Variants in MAGEB3 observed in about 807,000 individuals in gnomAD.
The protein encoded by MAGEB3 is melanoma-associated antigen B3.
For missense variants in MAGEB3, 191 were observed against 262.4 expected (o/e 0.73, Z 1.88); for synonymous variants, 91 against 93.0 (o/e 0.98, Z 0.12).
In MAGEB3 at chrX:30,236,498, G is replaced by C. The variant is rs183270866; in HGVS notation, c.574G>C (p.Val192Leu). 24 of 1,210,482 alleles carry C rather than the reference G, an allele frequency of 2.0e-5. No individual in the cohort carries two copies. In the East Asian group the frequency reaches 6.8e-4, roughly 34 times the overall value. The change falls in exon 5 of 5, where the codon GTG becomes CTG. Residue 192 changes from valine to leucine, a missense_variant. Val to Leu is a conservative substitution (Grantham distance 32). Coordinates refer to ENST00000361644, the MANE Select transcript of MAGEB3 (RefSeq NM_002365.5). ...AATGGATCTCCCCAACAATGGGACA[G>C]TGACTCGTGGGAGGGGATTTCCCAA... ...SKMDLPNNGT[V>L]TRGRGFPKTG...
chrX:30,236,338 A>G lies in MAGEB3; in HGVS notation c.414A>G (p.Leu138=). ...MKKPIMKADM[L]KIVQKSHKNC... is the part of the protein sequence containing the mutation. ...AGCCCATTATGAAAGCAGATATGCT[A>G]AAAATTGTCCAAAAAAGCCATAAGA... Residue 138 remains leucine (L), a synonymous_variant, in exon 5 of 5, where the codon CTA becomes CTG. Coordinates refer to ENST00000361644, the MANE Select transcript of MAGEB3 (RefSeq NM_002365.5). The G allele has an allele frequency of 1.7e-6, 2 of 1,209,802 alleles. No individual in the cohort carries two copies. The highest frequency in any genetic ancestry group is 3.6e-5 in the South Asian group (2 of 56,097).
At position 30,236,504 on chromosome X, in the gene MAGEB3, C is replaced by T. The variant is rs746598074; in HGVS notation, c.580C>T (p.Arg194Cys). ...MDLPNNGTVT[R>C]GRGFPKTGLL... ...TCTCCCCAACAATGGGACAGTGACT[C>T]GTGGGAGGGGATTTCCCAAGACAGG... The change falls in exon 5 of 5, where the codon CGT becomes TGT. Residue 194 changes from arginine (R) to cysteine (C), a missense_variant. Physicochemically the swap from Arg to Cys is radical, Grantham distance 180. Transcript: ENST00000361644. 45 of 1,210,095 alleles carry T rather than the reference C, an allele frequency of 3.7e-5. No individual in the cohort carries two copies. Among genetic ancestry groups the T allele is most frequent in the Non-Finnish European group, 4.9e-5 (44 of 894,974 alleles).
In MAGEB3 at chrX:30,236,233, T is replaced by A. The variant is rs1924974703; in HGVS notation, c.309T>A (p.Thr103=). The part of the protein sequence containing the change: ...KQSFSQGLSS[T]VQSRTDPLIM... Reference sequence around the variant, plus strand: ...GCTTCTCTCAGGGTCTATCCTCCACTGTGCAGTCTCGCACAGACCCTCTAA... The same window carrying A: ...GCTTCTCTCAGGGTCTATCCTCCACAGTGCAGTCTCGCACAGACCCTCTAA... Residue 103 remains threonine (T), a synonymous_variant, in exon 5 of 5, where the codon ACT becomes ACA. Coordinates refer to ENST00000361644, the MANE Select transcript of MAGEB3 (RefSeq NM_002365.5). 1 of 1,208,046 alleles carries A rather than the reference T, an allele frequency of 8.3e-7. No individual in the cohort carries two copies. The highest frequency in any genetic ancestry group is 1.8e-5 in the South Asian group (1 of 56,459).
intron 2 of MAGEB3, 74 bp downstream of exon 2, chrX:30,231,692 AAAAAAAAAAAGAAAG>A (rs1384833921): frequency 4.1e-5 from 4 of 97,962 alleles, no homozygotes; most frequent in African/African-American, 1.5e-4. Flanking sequence ...AAAAAAAAAA[AAAAAAAAAAAGAAAG>A]AAAGAAAGAA....
chrX:30,237,006 C>T lies in MAGEB3; in HGVS notation c.*41C>T, dbSNP rs1925002256. ...TTTTGCATTTTGTGGTTAAAGAGGG[C>T]AGTCACTGTTCCAAGGAGTGAAGGA... On this transcript the variant is annotated 3_prime_UTR_variant, in exon 5 of 5. Transcript: ENST00000361644. The T allele has an allele frequency of 1.9e-6, 2 of 1,033,897 alleles. No homozygotes were observed. Among genetic ancestry groups the T allele is most frequent in the Admixed American group, 2.6e-5 (1 of 37,789 alleles). 85.2% of individuals were successfully genotyped at this position (1,033,897 alleles called of 1,213,427 possible). A position where few individuals can be genotyped will look rare whatever the true frequency, so the allele number is the denominator to read the frequency against.
At position 30,235,851 on chromosome X, in the gene MAGEB3, C is replaced by T; in HGVS notation, c.-61-13C>T. On this transcript the variant is annotated splice_polypyrimidine_tract_variant and intron_variant, in intron 4 of 4. Coordinates refer to ENST00000361644, the MANE Select transcript of MAGEB3 (RefSeq NM_002365.5). ...GAAGGCACTCATACCCTCTCTTTCT[C>T]TCTCTCCTCCAGGTGCCTGTATCAC... 2.5e-6 allele frequency: 2 copies of T among 801,241 alleles called. No homozygotes were observed. The highest frequency in any genetic ancestry group is 3.2e-5 in the East Asian group (1 of 31,559). 66.0% of individuals were successfully genotyped at this position (801,241 alleles called of 1,213,427 possible). A position where few individuals can be genotyped will look rare whatever the true frequency, so the allele number is the denominator to read the frequency against.
intron 4 of MAGEB3, among the ~76,000 whole-genome samples, chrX:30,234,140 G>T (rs1488462714): frequency 9.0e-6 from 1 of 111,404 alleles, no homozygotes; most frequent in African/African-American, 3.3e-5. Flanking sequence ...CCAGACAAGT[G>T]TAGTCATAAG....
chrX:30,236,148 T>A lies in MAGEB3; in HGVS notation c.224T>A (p.Val75Glu), dbSNP rs749543764. 8.3e-7 allele frequency: 1 copy of A among 1,206,872 alleles called. No homozygotes were observed. Among genetic ancestry groups the A allele is most frequent in the Admixed American group, 2.2e-5 (1 of 45,747 alleles). The change falls in exon 5 of 5, where the codon GTA becomes GAA. Residue 75 changes from valine to glutamate, a missense_variant. Physicochemically the swap from Val to Glu is moderately radical, Grantham distance 121. Transcript: ENST00000361644. Reference protein sequence around the residue: ...PQRALSTTTSVDVSYKKSYKG... With the variant: ...PQRALSTTTSEDVSYKKSYKG... The stretch of plus-strand genomic sequence containing the variant: ...AGAGCACTATCCACCACTACATCTG[T>A]AGATGTTTCTTACAAAAAGTCATAC...
rs769655784 is a variant in MAGEB3 at position 30,236,434 on chromosome X, A to G, written c.510A>G (p.Lys170=). 8.3e-7 allele frequency: 1 copy of G among 1,210,300 alleles called. No individual in the cohort carries two copies. Among genetic ancestry groups the G allele is most frequent in the South Asian group, 1.8e-5 (1 of 56,708 alleles). ...MEVVFGVDLK[K]VDSTKDSYVL... is the part of the protein sequence containing the mutation. ...TGGTATTTGGTGTTGATTTAAAGAAAGTTGATTCTACCAAGGACTCCTATG... is the reference window on the plus strand; with the variant it reads ...TGGTATTTGGTGTTGATTTAAAGAAGGTTGATTCTACCAAGGACTCCTATG... The change falls in exon 5 of 5, where the codon AAA becomes AAG. Residue 170 remains lysine (K), a synonymous_variant. Coordinates refer to ENST00000361644, the MANE Select transcript of MAGEB3 (RefSeq NM_002365.5).
chrX:30,234,237 A>C lies in MAGEB3; in HGVS notation c.-62+874A>C, dbSNP rs1388041542. 3.6e-5 allele frequency among the ~76,000 whole-genome samples: 4 copies of C among 109,919 alleles called. No homozygotes were observed. In the East Asian group the frequency reaches 8.6e-4, roughly 24 times the overall value. On this transcript the variant is annotated intron_variant, in intron 4 of 4. Transcript: ENST00000361644. ...GAGGTTGGCGAACTCAGGTCAGTAGAGGGAGAAATTTCAGGCTGTGATAAG... is the reference window on the plus strand; with the variant it reads ...GAGGTTGGCGAACTCAGGTCAGTAGCGGGAGAAATTTCAGGCTGTGATAAG...
chrX:30,233,817 G>C (rs948239948), intron 4 of MAGEB3, among the ~76,000 whole-genome samples: 2 of 111,844 alleles, frequency 1.8e-5, no homozygotes, highest in Non-Finnish European at 3.8e-5. Flanking sequence ...GGACCCACAC[G>C]TCTCACCCTT....
intron 1 of MAGEB3, 135 bp from the exon 2 acceptor site, chrX:30,231,382 A>C (rs927617836): frequency 9.2e-6 from 1 of 108,298 alleles, no homozygotes; most frequent in African/African-American, 3.3e-5. Context: ...AGGCAGGAGA[A>C]TCGCTTGAAC....
intron 2 of MAGEB3, among the ~76,000 whole-genome samples, chrX:30,232,205 C>G (rs1924817784): frequency 9.0e-6 from 1 of 111,595 alleles, no homozygotes; most frequent in Non-Finnish European, 1.9e-5. Flanking sequence ...AAGCCCTAGG[C>G]GGAACTATAA....
intron 3 of MAGEB3, 69 bp downstream of exon 3, chrX:30,232,985 C>G (rs1285447745): frequency 1.9e-5 from 2 of 102,722 alleles, no homozygotes; most frequent in East Asian, 6.4e-4. Context: ...CCCTAGGAGT[C>G]AAGGCTGCAG....
chrX:30,233,690 T>C (rs1924894133), intron 4 of MAGEB3, among the ~76,000 whole-genome samples: 1 of 111,065 alleles, frequency 9.0e-6, no homozygotes, highest in Admixed American at 9.5e-5. Flanking sequence ...AATAAGGACC[T>C]AGGGACCACT....
Position 30,236,610 on chromosome X carries a change from A to G in MAGEB3, c.686A>G (p.Lys229Arg), listed in dbSNP as rs1924987724. The G allele has an allele frequency of 6.6e-6, 8 of 1,211,271 alleles. No homozygotes were observed. Among genetic ancestry groups the G allele is most frequent in the Non-Finnish European group, 8.9e-6 (8 of 894,932 alleles). The change falls in exon 5 of 5, where the codon AAG becomes AGG. Residue 229 changes from lysine to arginine, a missense_variant. Coordinates refer to ENST00000361644, the MANE Select transcript of MAGEB3 (RefSeq NM_002365.5). ...TEEKIWEFLN[K>R]MRIYDGKKHF... The stretch of plus-strand genomic sequence containing the variant: ...GAGAAGATCTGGGAATTCCTGAATA[A>G]GATGAGAATATATGATGGGAAGAAA...
chrX:30,231,753 C>G (rs1924802092), intron 2 of MAGEB3, 135 bp downstream of exon 2: 1 of 104,768 alleles, frequency 9.5e-6, no homozygotes, highest in Admixed American at 1.0e-4. Context: ...ACCAGGGAAC[C>G]TCTCTCCAAA....
At chrX:30,232,618 C>T (rs1924838202) in intron 2 of MAGEB3, among the ~76,000 whole-genome samples, 1 of 102,046 alleles carries the variant, frequency 9.8e-6, no homozygotes, top group Non-Finnish European at 2.0e-5. Flanking sequence ...GAAACACTGT[C>T]TCAAATTAGC....
chrX:30,233,793 C>T (rs1400077014), intron 4 of MAGEB3, among the ~76,000 whole-genome samples: 1 of 112,118 alleles, frequency 8.9e-6, no homozygotes, highest in African/African-American at 3.2e-5. Context: ...CAACTCCCTG[C>T]CCCTTACAAA....
Sources: gnomAD v4.1 joint callset for allele counts (sites outside exome capture counted in the v4.1 genomes callset) on GRCh38, gnomAD v4.1.1 for gene constraint, MANE v1.5 for transcripts, NCBI Gene and HGNC (gene_info 2026-07-23, HGNC 2026-07-21) for gene names.